Variants in FBXL7 observed in about 807,000 individuals in gnomAD.
FBXL7 encodes the protein F-box/LRR-repeat protein 7.
FBXL7 carries 12 observed loss-of-function variants against 38.3 expected under a neutral mutation model. The ratio of observed to expected loss-of-function variants is 0.31; its 90% CI spans 0.20 to 0.51. The LOEUF is 0.51. FBXL7 is among the 20% of genes least tolerant of loss of function. The pLI, the probability that FBXL7 is intolerant of heterozygous loss-of-function variation, is 0.98. For synonymous variants in FBXL7, 297 were observed against 300.9 expected, an observed-to-expected ratio of 0.99 and a Z score of 0.13; for missense variants, 567 against 676.4, an observed-to-expected ratio of 0.84 and a Z score of 1.79.
At chr5:15,786,757 G>A (rs1307146130) in intron 2 of FBXL7, among the ~76,000 whole-genome samples, 3 of 152,160 alleles carry the variant, frequency 2.0e-5, no homozygotes, top group Non-Finnish European at 2.9e-5. Context: ...TGGACTTACA[G>A]GTACGGGTGG....
chr5:15,728,780 T>C (rs1182024768), intron 2 of FBXL7, among the ~76,000 whole-genome samples: 1 of 152,180 alleles, frequency 6.6e-6, no homozygotes, highest in East Asian at 1.9e-4. Flanking sequence ...CTTGAACTAC[T>C]GATAATTACT....
At chr5:15,670,604 C>T (rs1406304433) in intron 2 of FBXL7, among the ~76,000 whole-genome samples, 2 of 152,066 alleles carry the variant, frequency 1.3e-5, no homozygotes, top group Non-Finnish European at 2.9e-5. Context: ...AGTTCGAGAC[C>T]AGCCTGGCCA....
At chr5:15,500,836 T>C in intron 1 of FBXL7, 123 bp downstream of exon 1, 8 of 1,192,400 alleles carry the variant, frequency 6.7e-6, no homozygotes, top group Non-Finnish European at 8.4e-6. Flanking sequence ...GCACCCTGTC[T>C]GGGTCACCAC....
intron 2 of FBXL7, among the ~76,000 whole-genome samples, chr5:15,758,864 A>G (rs577518744): frequency 1.3e-5 from 2 of 152,332 alleles, no homozygotes; most frequent in East Asian, 3.9e-4. Context: ...TTGAAAAGTC[A>G]TGCTATGGAT....
intron 2 of FBXL7, among the ~76,000 whole-genome samples, chr5:15,740,541 A>T: frequency 6.6e-6 from 1 of 152,210 alleles, no homozygotes; most frequent in East Asian, 1.9e-4. Flanking sequence ...ACTACATTTG[A>T]TGCAACTGGC....
intron 2 of FBXL7, among the ~76,000 whole-genome samples, chr5:15,822,375 A>G (rs1738193838): frequency 1.3e-5 from 2 of 151,920 alleles, no homozygotes; most frequent in South Asian, 4.2e-4. Flanking sequence ...AACAAAACAA[A>G]ACATAAAAGA....
intron 3 of FBXL7, among the ~76,000 whole-genome samples, chr5:15,931,705 A>G (rs1023417996): frequency 1.3e-5 from 2 of 152,138 alleles, no homozygotes; most frequent in Non-Finnish European, 1.5e-5. Flanking sequence ...CATACACGCA[A>G]TGCTCCCTTC....
chr5:15,879,173 A>G (rs778232531), intron 2 of FBXL7, among the ~76,000 whole-genome samples: 40 of 152,330 alleles, frequency 2.6e-4, no homozygotes, highest in Non-Finnish European at 5.6e-4. Context: ...TGCAGAAGTC[A>G]TGCAAAATAT....
intron 2 of FBXL7, among the ~76,000 whole-genome samples, chr5:15,685,922 G>A (rs1743002394): frequency 6.6e-6 from 1 of 152,112 alleles, no homozygotes; most frequent in Non-Finnish European, 1.5e-5. Context: ...TCACCAACCT[G>A]GTCTTTGAAT....
At chr5:15,817,017 G>A (rs1738033438) in intron 2 of FBXL7, among the ~76,000 whole-genome samples, 1 of 152,206 alleles carries the variant, frequency 6.6e-6, no homozygotes, top group African/African-American at 2.4e-5. Context: ...TGTGGCTGAT[G>A]GTGAGGGAAT....
intron 2 of FBXL7, among the ~76,000 whole-genome samples, chr5:15,735,212 C>T: frequency 6.6e-6 from 1 of 152,324 alleles, no homozygotes; most frequent in East Asian, 1.9e-4. Flanking sequence ...GGAGTATAGG[C>T]ATGAGCCGCT....
At chr5:15,548,460 C>G (rs772960417) in intron 1 of FBXL7, among the ~76,000 whole-genome samples, 2 of 152,190 alleles carry the variant, frequency 1.3e-5, no homozygotes, top group Non-Finnish European at 2.9e-5. Context: ...AGGAGGTGCT[C>G]TCAGTATGCC....
At chr5:15,611,947 C>T (rs998935963) in intron 1 of FBXL7, among the ~76,000 whole-genome samples, 3 of 151,768 alleles carry the variant, frequency 2.0e-5, no homozygotes, top group African/African-American at 7.3e-5. Flanking sequence ...TGCCACTACA[C>T]TCCAGCTTGG....
At chr5:15,856,343 T>G (rs1193527941) in intron 2 of FBXL7, among the ~76,000 whole-genome samples, 1 of 151,924 alleles carries the variant, frequency 6.6e-6, no homozygotes, top group Non-Finnish European at 1.5e-5. Context: ...AAGATGAGAT[T>G]TGGGTGGGGA....
Position 15,936,634 on chromosome 5 carries a change from C to T in FBXL7, c.924C>T (p.Cys308=). 1 of 1,609,122 alleles carries T rather than the reference C, an allele frequency of 6.2e-7. No individual in the cohort carries two copies. The highest frequency in any genetic ancestry group is 8.5e-7 in the Non-Finnish European group (1 of 1,179,810). The change falls in exon 4 of 4, where the codon TGC becomes TGT. Residue 308 remains cysteine, a synonymous_variant. Transcript: ENST00000504595. This position sits in a 1 kb window ranked among gnomAD's most constrained non-coding sequence, Gnocchi z 6.0. ...TCACCCACCTCTACCTGCGCCGCTG[C>T]GTCCGCCTGACCGACGAAGGCCTGC... ...TQLTHLYLRR[C]VRLTDEGLRY... is the part of the protein sequence containing the mutation.
chr5:15,636,950 G>A (rs1236408410), intron 2 of FBXL7, among the ~76,000 whole-genome samples: 3 of 137,588 alleles, frequency 2.2e-5, no homozygotes, highest in Non-Finnish European at 3.2e-5. Context: ...GGAGAAAGAA[G>A]CAGAAATTTT....
chr5:15,804,492 ATAAAT>A (rs1712808726), intron 2 of FBXL7, among the ~76,000 whole-genome samples: 1 of 152,180 alleles, frequency 6.6e-6, no homozygotes, highest in South Asian at 2.1e-4. Flanking sequence ...TAAATAATGA[ATAAAT>A]AAAATGTTTA....
At chr5:15,563,540 AC>A (rs1052327999) in intron 1 of FBXL7, among the ~76,000 whole-genome samples, 11 of 151,784 alleles carry the variant, frequency 7.2e-5, no homozygotes, top group African/African-American at 2.7e-4. Context: ...AGTATTTCTC[AC>A]TCTCCTGTTT....
At chr5:15,766,043 T>TCTAC (rs140480289) in intron 2 of FBXL7, among the ~76,000 whole-genome samples, 1,774 of 147,244 alleles carry the variant, frequency 0.012, 23 homozygotes, top group African/African-American at 0.031. Context: ...TGTCTGTCTA[T>TCTAC]CTACCTACCT....
Sources: gnomAD v4.1 joint callset for allele counts (sites outside exome capture counted in the v4.1 genomes callset) on GRCh38, gnomAD v4.1.1 for gene constraint, Gnocchi (gnomAD v3.1) non-coding constraint, MANE v1.5 for transcripts, NCBI Gene and HGNC (gene_info 2026-07-23, HGNC 2026-07-21) for gene names.